The following CCDC144A variants were observed in gnomAD, a reference collection of about 807,000 sequenced individuals.
CCDC144A encodes the protein coiled-coil domain containing 144A, also known as coiled-coil domain-containing protein 144A.
Under a neutral mutation model 143.8 loss-of-function variants are expected in CCDC144A, and 41 were observed. The observed-to-expected ratio is 0.29, with a 90% CI of 0.22 to 0.37. The LOEUF is 0.37. Among genes scored for constraint, CCDC144A ranks in the 10% least tolerant of loss-of-function variants. The probability of loss-of-function intolerance (pLI) is 1.00; values close to 1 mark genes in which losing one functional copy is unlikely to be tolerated. For missense variants in CCDC144A, 637 were observed against 1,488.8 expected, an observed-to-expected ratio of 0.43 and a Z score of 9.41; for synonymous variants, 242 against 517.9, an observed-to-expected ratio of 0.47 and a Z score of 7.23.
chr17:16,729,053 G>A (rs1913573677), intron 9 of CCDC144A, among the ~76,000 whole-genome samples: 1 of 152,286 alleles, frequency 6.6e-6, no homozygotes, highest in Non-Finnish European at 1.5e-5. Flanking sequence ...ATAGACATAC[G>A]TTTGCAGGTG....
intron 9 of CCDC144A, chr17:16,731,569 A>G (rs1913744981): frequency 6.7e-6 from 1 of 148,564 alleles, no homozygotes; most frequent in Non-Finnish European, 1.5e-5. Flanking sequence ...GGTTACTAGT[A>G]ACAGAAACTT....
chr17:16,718,446 T>C (rs1398595180), intron 6 of CCDC144A, among the ~76,000 whole-genome samples: 1 of 152,380 alleles, frequency 6.6e-6, no homozygotes, highest in South Asian at 2.1e-4. Flanking sequence ...CGATTCATTA[T>C]CTTTTGTAGG....
chr17:16,750,193 G>A (rs1443142464), intron 12 of CCDC144A, among the ~76,000 whole-genome samples: 1 of 152,002 alleles, frequency 6.6e-6, no homozygotes, highest in Non-Finnish European at 1.5e-5. Context: ...GGGTCTGTGG[G>A]CTATGTACTT....
At chr17:16,668,098 TC>T in the CCDC144A span, among the ~76,000 whole-genome samples, 1 of 146,690 alleles carries the variant, frequency 6.8e-6, no homozygotes, top group Non-Finnish European at 1.5e-5. Context: ...GGAATTGTCT[TC>T]ATTTTTTCAT....
the CCDC144A span, among the ~76,000 whole-genome samples, chr17:16,680,483 A>C: frequency 6.6e-6 from 1 of 151,788 alleles, no homozygotes; most frequent in African/African-American, 2.4e-5. Context: ...TGTTAAAAAA[A>C]ATTTAAGTGA....
intron 8 of CCDC144A, among the ~76,000 whole-genome samples, chr17:16,725,522 T>A (rs1045566738): frequency 1.3e-5 from 2 of 151,502 alleles, no homozygotes; most frequent in African/African-American, 4.9e-5. Flanking sequence ...AAGAAAATTA[T>A]GAATGAAAAC....
chr17:16,675,995 G>A, the CCDC144A span, among the ~76,000 whole-genome samples: 1 of 151,694 alleles, frequency 6.6e-6, no homozygotes, highest in Non-Finnish European at 1.5e-5. Context: ...TGATCCCCGC[G>A]CCTCGGACTT....
At chr17:16,723,999 C>CTGTT (rs1242521785) in intron 8 of CCDC144A, among the ~76,000 whole-genome samples, 1 of 151,570 alleles carries the variant, frequency 6.6e-6, no homozygotes, top group Non-Finnish European at 1.5e-5. Context: ...ATTTTAAGTA[C>CTGTT]TGTTGTAGCT....
chr17:16,672,526 A>G, the CCDC144A span, among the ~76,000 whole-genome samples: 2 of 152,128 alleles, frequency 1.3e-5, no homozygotes, highest in Non-Finnish European at 2.9e-5. Flanking sequence ...CCTAAAATAA[A>G]TTCCTATTAG....
chr17:16,733,607 A>G (rs1166148883), intron 11 of CCDC144A, among the ~76,000 whole-genome samples: 1 of 150,968 alleles, frequency 6.6e-6, no homozygotes, highest in East Asian at 1.9e-4. Context: ...AGTTATTGTA[A>G]TAACAGATAA....
chr17:16,681,843 G>A, the CCDC144A span, among the ~76,000 whole-genome samples: 1 of 148,440 alleles, frequency 6.7e-6, no homozygotes, highest in African/African-American at 2.5e-5. Flanking sequence ...TGGGTAACAA[G>A]AACCAAACTC....
chr17:16,667,349 CTGAGG>C, the CCDC144A span, among the ~76,000 whole-genome samples: 28 of 95,974 alleles, frequency 2.9e-4, no homozygotes, highest in East Asian at 6.9e-3. Context: ...GGCTGAGGAG[CTGAGG>C]GGCTGAGGCG....
At chr17:16,670,805 C>T in the CCDC144A span, among the ~76,000 whole-genome samples, 1 of 151,958 alleles carries the variant, frequency 6.6e-6, no homozygotes, top group African/African-American at 2.4e-5. Context: ...CACCATCCCC[C>T]GCCCTCTATA....
At chr17:16,719,519 C>T (rs1315170899) in intron 6 of CCDC144A, among the ~76,000 whole-genome samples, 1 of 152,142 alleles carries the variant, frequency 6.6e-6, no homozygotes, top group African/African-American at 2.4e-5. Flanking sequence ...TATCATGAAG[C>T]ACATGTTTTT....
rs544967407 is a variant in CCDC144A, at chr17:16,709,654, C to T, written c.1578+19C>T. 40 of 1,604,524 alleles carry T rather than the reference C, an allele frequency of 2.5e-5. No homozygotes were observed. In the Admixed American group the frequency reaches 3.1e-4, roughly 12 times the overall value. On this transcript the variant is annotated intron_variant, in intron 5 of 16. Coordinates refer to ENST00000399273, the MANE Select transcript of CCDC144A (RefSeq NM_001382000.1). The stretch of plus-strand genomic sequence containing the variant: ...TAAAGATGTAGGGTTTTACTTGCTG[C>T]CACTCTTTGTTTTTTCTCTCAATTA...
chr17:16,737,965 T>A, intron 12 of CCDC144A, among the ~76,000 whole-genome samples: 1 of 150,988 alleles, frequency 6.6e-6, no homozygotes, highest in African/African-American at 2.5e-5. Flanking sequence ...GGCTTTTTTT[T>A]TCCTGTGAAG....
At chr17:16,680,677 GAGAA>G in the CCDC144A span, among the ~76,000 whole-genome samples, 1 of 149,654 alleles carries the variant, frequency 6.7e-6, no homozygotes, top group African/African-American at 2.5e-5. Context: ...CAGAGAGAGA[GAGAA>G]AGAAGGAAGA....
At chr17:16,686,374 T>C (rs144445967), upstream of CCDC144A, among the ~76,000 whole-genome samples, 126 of 152,244 alleles carry the variant, frequency 8.3e-4, no homozygotes, top group Non-Finnish European at 1.4e-3. Flanking sequence ...CTGCTCTCTT[T>C]AGGTTAAAAA....
At chr17:16,667,272 CTGAGGGGCTGAGGGGT>C in the CCDC144A span, among the ~76,000 whole-genome samples, 7 of 138,626 alleles carry the variant, frequency 5.0e-5, no homozygotes, top group East Asian at 9.5e-4. Context: ...GCTGAGGCGG[CTGAGGGGCTGAGGGGT>C]TGAGGCGGCT....
Sources: allele counts gnomAD v4.1 joint callset (sites outside exome capture counted in the v4.1 genomes callset), GRCh38; gene constraint gnomAD v4.1.1; transcripts MANE v1.5; gene names NCBI Gene and HGNC (gene_info 2026-07-23, HGNC 2026-07-21).